Variants in PRIM2 observed in about 807,000 individuals in gnomAD.
The protein encoded by PRIM2 is DNA primase large subunit.
Under a neutral mutation model 67.3 loss-of-function variants are expected in PRIM2, and 39 were observed. That is an observed-to-expected ratio of 0.58 (90% CI 0.45 to 0.76). PRIM2 has a LOEUF of 0.76. Among genes scored for constraint, PRIM2 ranks in the 30% least tolerant of loss-of-function variants. The pLI is 0.00. For synonymous variants in PRIM2, 143 were observed against 198.7 expected, an observed-to-expected ratio of 0.72 and a Z score of 2.36; for missense variants, 398 against 598.7, an observed-to-expected ratio of 0.66 and a Z score of 3.50.
At chr6:57,235,347 C>T in the PRIM2 span, among the ~76,000 whole-genome samples, 4 of 152,202 alleles carry the variant, frequency 2.6e-5, no homozygotes, top group South Asian at 8.3e-4. Flanking sequence ...GCCTGTAATT[C>T]CAGCTACTCA....
At chr6:57,423,294 T>G (rs752379381) in intron 7 of PRIM2, among the ~76,000 whole-genome samples, 3 of 152,194 alleles carry the variant, frequency 2.0e-5, no homozygotes, top group Non-Finnish European at 4.4e-5. Context: ...TCCTTTAATT[T>G]TCCATTATTC....
intron 7 of PRIM2, among the ~76,000 whole-genome samples, chr6:57,387,650 A>G (rs1770195364): frequency 6.6e-6 from 1 of 152,176 alleles, no homozygotes; most frequent in African/African-American, 2.4e-5. Flanking sequence ...CCAAGGGGTG[A>G]ATTTGGAGCT....
At chr6:57,535,588 G>A (rs1468679474) in intron 9 of PRIM2, among the ~76,000 whole-genome samples, 2 of 152,152 alleles carry the variant, frequency 1.3e-5, no homozygotes, top group Non-Finnish European at 1.5e-5. Flanking sequence ...TTGGCCAGGC[G>A]CAGTGGGTCA....
rs1774371231 is a variant in PRIM2, at chr6:57,511,653, T to G, written c.761+4199T>G. On this transcript the variant is annotated intron_variant, in intron 8 of 13. Coordinates refer to ENST00000615550, the MANE Select transcript of PRIM2 (RefSeq NM_000947.5). ...AATTTATTCTTTTTTTGTTGTTTTA[T>G]TCTTAGTCAGCTTTCTCAGGCTGAA... 2.0e-5 allele frequency among the ~76,000 whole-genome samples: 3 copies of G among 152,144 alleles called. No individual in the cohort carries two copies. The South Asian group carries it at 6.2e-4, about 32-fold the overall frequency.
chr6:57,471,047 C>T (rs1282953240), intron 7 of PRIM2, among the ~76,000 whole-genome samples: 2 of 152,046 alleles, frequency 1.3e-5, no homozygotes, highest in African/African-American at 4.8e-5. Context: ...TGAGTTGGCT[C>T]CTTGTGACAC....
intron 7 of PRIM2, among the ~76,000 whole-genome samples, chr6:57,433,184 A>G (rs77789130): frequency 0.071 from 10,280 of 145,620 alleles, 467 homozygotes; most frequent in South Asian, 0.13. Flanking sequence ...TGCCAACCCC[A>G]GTGCTAAATG....
At position 57,517,272 on chromosome 6, in the gene PRIM2, T is replaced by C. The variant is rs1351078830; in HGVS notation, c.761+9818T>C. ...TAGTGATTTTACACTGTGTTAGTCATAAAACACTAACAGTGCAAAATAATA... is the reference window on the plus strand; with the variant it reads ...TAGTGATTTTACACTGTGTTAGTCACAAAACACTAACAGTGCAAAATAATA... On this transcript the variant is annotated intron_variant, in intron 8 of 13. Transcript: ENST00000615550. Among the ~76,000 whole-genome samples the C allele has an allele frequency of 1.1e-3, 163 of 152,308 alleles. 2 individuals carry two copies. The highest frequency in any genetic ancestry group is 3.7e-3 in the African/African-American group (155 of 41,572).
chr6:57,319,940 G>T (rs1459639344), intron 2 of PRIM2, among the ~76,000 whole-genome samples: 3 of 152,188 alleles, frequency 2.0e-5, no homozygotes, highest in African/African-American at 7.2e-5. Flanking sequence ...TTGATATGGT[G>T]CTTTAGGAAC....
chr6:57,258,599 T>A, the PRIM2 span, among the ~76,000 whole-genome samples: 1 of 15,300 alleles, frequency 6.5e-5, no homozygotes, highest in African/African-American at 2.2e-4. Flanking sequence ...CACCCACCCC[T>A]CCACTGCAGG....
intron 10 of PRIM2, among the ~76,000 whole-genome samples, chr6:57,546,111 A>C (rs1287892785): frequency 6.6e-6 from 1 of 152,232 alleles, no homozygotes; most frequent in African/African-American, 2.4e-5. Flanking sequence ...CTAAAATAAT[A>C]TAATGAATGT....
the PRIM2 span, among the ~76,000 whole-genome samples, chr6:57,295,905 G>A: frequency 0.062 from 9,446 of 152,248 alleles, 306 homozygotes; most frequent in Non-Finnish European, 0.078. Flanking sequence ...AGAATGGAGG[G>A]ATGGGAATAG....
intron 7 of PRIM2, among the ~76,000 whole-genome samples, chr6:57,430,514 C>T (rs572527833): frequency 8.5e-4 from 114 of 134,702 alleles, no homozygotes; most frequent in African/African-American, 2.3e-3. Context: ...AGTGCAGTGG[C>T]GCAATCTCAG....
At chr6:57,231,303 T>C in the PRIM2 span, among the ~76,000 whole-genome samples, 1 of 152,170 alleles carries the variant, frequency 6.6e-6, no homozygotes, top group Non-Finnish European at 1.5e-5. Context: ...AAAAATACAA[T>C]GTTAGGTTTC....
intron 10 of PRIM2, among the ~76,000 whole-genome samples, chr6:57,568,578 G>A (rs1386965473): frequency 6.6e-6 from 1 of 152,200 alleles, no homozygotes; most frequent in Non-Finnish European, 1.5e-5. Context: ...TGATAGAATA[G>A]AATAAAATTG....
At chr6:57,485,476 A>C (rs1773732396) in intron 7 of PRIM2, among the ~76,000 whole-genome samples, 1 of 152,026 alleles carries the variant, frequency 6.6e-6, no homozygotes, top group Admixed American at 6.6e-5. Flanking sequence ...ATTAGGTTGG[A>C]GTTAGATGTA....
At chr6:57,334,781 A>T (rs1000010060) in intron 5 of PRIM2, among the ~76,000 whole-genome samples, 4 of 152,176 alleles carry the variant, frequency 2.6e-5, no homozygotes, top group Non-Finnish European at 4.4e-5. Context: ...ATTACGGAGG[A>T]TACAGAAGCA....
chr6:57,589,324 TGG>T (rs1427120645), intron 10 of PRIM2, among the ~76,000 whole-genome samples: 28 of 152,274 alleles, frequency 1.8e-4, no homozygotes, highest in Non-Finnish European at 4.0e-4. Flanking sequence ...TAGCCTCACT[TGG>T]CAACAGGTAC....
At chr6:57,432,874 C>T (rs1562749820) in intron 7 of PRIM2, among the ~76,000 whole-genome samples, 2 of 152,304 alleles carry the variant, frequency 1.3e-5, no homozygotes, top group East Asian at 3.9e-4. Flanking sequence ...TAGTCTAACT[C>T]CATATCATAA....
intron 7 of PRIM2, among the ~76,000 whole-genome samples, chr6:57,437,867 G>T (rs1198685862): frequency 6.6e-6 from 1 of 152,044 alleles, no homozygotes; most frequent in Non-Finnish European, 1.5e-5. Flanking sequence ...GTTTCACCAT[G>T]TTGCCCAGGC....
Sources: allele counts gnomAD v4.1 joint callset (sites outside exome capture counted in the v4.1 genomes callset), GRCh38; gene constraint gnomAD v4.1.1; transcripts MANE v1.5; gene names NCBI Gene and HGNC (gene_info 2026-07-23, HGNC 2026-07-21).